AP2B1: variants seen among roughly 807,000 people sequenced by gnomAD.
AP2B1 encodes the protein adaptor related protein complex 2 subunit beta 1, also known as AP-2 complex subunit beta.
Under a neutral mutation model 102.0 loss-of-function variants are expected in AP2B1, and 23 were observed. That is an observed-to-expected ratio of 0.23 (90% CI 0.16 to 0.32). The LOEUF is 0.32. AP2B1 is among the 10% of genes least tolerant of loss of function. The pLI, the probability that AP2B1 is intolerant of heterozygous loss-of-function variation, is 1.00. For synonymous variants in AP2B1, 381 were observed against 421.2 expected, an observed-to-expected ratio of 0.90 and a Z score of 1.17; for missense variants, 541 against 1,157.4, an observed-to-expected ratio of 0.47 and a Z score of 7.73.
chr17:35,716,716 A>G (rs1172133573), intron 20 of AP2B1, among the ~76,000 whole-genome samples: 1 of 152,210 alleles, frequency 6.6e-6, no homozygotes, highest in Non-Finnish European at 1.5e-5. Flanking sequence ...AATGGCTCAC[A>G]ATGAAGTAGT....
intron 12 of AP2B1, among the ~76,000 whole-genome samples, chr17:35,644,994 T>C (rs1269395676): frequency 2.0e-5 from 3 of 150,502 alleles, no homozygotes; most frequent in African/African-American, 7.3e-5. Context: ...ATCATGCCAC[T>C]GCACTCCAGG....
In AP2B1 at chr17:35,598,367, TC is replaced by T. The variant is rs768909857; in HGVS notation, c.143+33del. 6 of 1,417,270 alleles carry T rather than the reference TC, an allele frequency of 4.2e-6. No homozygotes were observed. The Admixed American group carries it at 9.0e-5, about 21-fold the overall frequency. The allele number at this position is 1,417,270 out of a possible 1,614,324, so 87.8% of individuals were successfully genotyped here. The stretch of plus-strand genomic sequence containing the variant: ...GTAATCACCCTTGCCATTGATCACT[TC>T]AGAGGTCCATACCCCATCTTATGGC... On this transcript the variant is annotated intron_variant, in intron 3 of 21. Transcript: ENST00000610402.
intron 5 of AP2B1, among the ~76,000 whole-genome samples, chr17:35,621,562 T>C (rs1007212332): frequency 6.6e-6 from 1 of 152,240 alleles, no homozygotes; most frequent in Admixed American, 6.5e-5. Flanking sequence ...CAGGCTTTGC[T>C]AAACAATCAT....
chr17:35,665,414 C>T (rs1289406718), intron 14 of AP2B1, among the ~76,000 whole-genome samples: 1 of 152,152 alleles, frequency 6.6e-6, no homozygotes, highest in Non-Finnish European at 1.5e-5. Flanking sequence ...GTGTGAGCCA[C>T]TATGCCCAGC....
chr17:35,665,667 A>T (rs899643940), intron 14 of AP2B1, among the ~76,000 whole-genome samples: 1 of 152,254 alleles, frequency 6.6e-6, no homozygotes, highest in African/African-American at 2.4e-5. Context: ...TTGGTAAGCT[A>T]TATGGCTTGG....
intron 2 of AP2B1, 75 bp downstream of exon 2, chr17:35,594,142 TG>T: frequency 1.1e-6 from 1 of 894,932 alleles, no homozygotes; most frequent in South Asian, 1.7e-5. Context: ...GGCAGAATGC[TG>T]CTGACCTCTT....
At chr17:35,650,967 GGA>G in intron 13 of AP2B1, 178 bp downstream of exon 13, 1 of 642,584 alleles carries the variant, frequency 1.6e-6, no homozygotes, top group South Asian at 2.1e-5. Context: ...ACAACCCCAG[GGA>G]GCTCCATCTG....
chr17:35,710,585 A>C (rs969925000), intron 20 of AP2B1, among the ~76,000 whole-genome samples: 4 of 152,242 alleles, frequency 2.6e-5, no homozygotes, highest in Non-Finnish European at 4.4e-5. Context: ...AAGATGTGTT[A>C]GTTCTGTTAC....
At chr17:35,624,841 A>G (rs765274007) in intron 6 of AP2B1, among the ~76,000 whole-genome samples, 9 of 152,216 alleles carry the variant, frequency 5.9e-5, no homozygotes, top group Non-Finnish European at 1.3e-4. Context: ...TACGTCTCCC[A>G]TGCACAGTTC....
intron 18 of AP2B1, among the ~76,000 whole-genome samples, chr17:35,685,208 G>A (rs145053388): frequency 2.6e-3 from 396 of 152,284 alleles, no homozygotes; most frequent in African/African-American, 9.0e-3. Context: ...TTTCCCAATG[G>A]ATATGATAAA....
chr17:35,592,392 G>A (rs756525472), intron 1 of AP2B1, among the ~76,000 whole-genome samples: 7 of 151,798 alleles, frequency 4.6e-5, no homozygotes, highest in Non-Finnish European at 8.8e-5. Flanking sequence ...GGTCTCTGTC[G>A]CTGAGGCTGG....
intron 18 of AP2B1, among the ~76,000 whole-genome samples, chr17:35,700,279 G>A (rs752314426): frequency 1.3e-5 from 2 of 151,264 alleles, no homozygotes; most frequent in East Asian, 2.0e-4. Context: ...CTGTCACTCC[G>A]AGCCATTCCC....
At chr17:35,693,476 T>G (rs898439168) in intron 18 of AP2B1, among the ~76,000 whole-genome samples, 6 of 152,352 alleles carry the variant, frequency 3.9e-5, no homozygotes, top group African/African-American at 1.4e-4. Flanking sequence ...CGTCTGAATT[T>G]ATTTTCTTTT....
intron 12 of AP2B1, among the ~76,000 whole-genome samples, chr17:35,649,414 A>G (rs893237687): frequency 6.6e-6 from 1 of 152,028 alleles, no homozygotes; most frequent in Non-Finnish European, 1.5e-5. Flanking sequence ...GATTATAGGC[A>G]TGTGCCACCT....
In AP2B1 at chr17:35,682,840, C is replaced by A. The variant is rs587732173; in HGVS notation, c.2454+16C>A. ...TAACCTCCAGGTCAGAGATTTACTT[C>A]ACTCAGGTGGTACAAGTTAATATCT... is the stretch of plus-strand genomic sequence containing the variant. On this transcript the variant is annotated intron_variant, in intron 18 of 21. Transcript: ENST00000610402. 11 of 1,603,636 alleles carry A rather than the reference C, an allele frequency of 6.9e-6. No homozygotes were observed. The South Asian group carries it at 1.2e-4, about 18-fold the overall frequency.
chr17:35,610,152 T>TATTTTTG (rs72358278), intron 5 of AP2B1, among the ~76,000 whole-genome samples: 2 of 151,412 alleles, frequency 1.3e-5, no homozygotes, highest in Non-Finnish European at 3.0e-5. Flanking sequence ...ATTTATTTTT[T>TATTTTTG]ATTTTTTTTT....
At chr17:35,638,294 G>A (rs529821779) in intron 10 of AP2B1, among the ~76,000 whole-genome samples, 1 of 152,214 alleles carries the variant, frequency 6.6e-6, no homozygotes, top group Non-Finnish European at 1.5e-5. Context: ...CAGATACTTA[G>A]TTAAGTGTGC....
chr17:35,650,905 C>T, intron 13 of AP2B1, 116 bp downstream of exon 13: 1 of 1,217,786 alleles, frequency 8.2e-7, no homozygotes, highest in Non-Finnish European at 1.2e-6. Context: ...CTTCTTTATG[C>T]TTTTATAGTC....
intron 5 of AP2B1, among the ~76,000 whole-genome samples, chr17:35,609,573 T>C (rs2073795032): frequency 6.6e-6 from 1 of 152,120 alleles, no homozygotes; most frequent in South Asian, 2.1e-4. Context: ...GGTCTTGATC[T>C]CCTGACCTCG....
Sources: gnomAD v4.1 joint callset for allele counts (sites outside exome capture counted in the v4.1 genomes callset) on GRCh38, gnomAD v4.1.1 for gene constraint, MANE v1.5 for transcripts, NCBI Gene and HGNC (gene_info 2026-07-23, HGNC 2026-07-21) for gene names.